Variants in MYT1L observed in about 807,000 individuals in gnomAD.
MYT1L encodes the protein myelin transcription factor 1-like protein.
In MYT1L, 12 loss-of-function variants were observed where a neutral mutation model predicts 126.7. That is an observed-to-expected ratio of 0.09 (90% CI 0.06 to 0.15). The LOEUF is 0.15. Ranked by LOEUF, MYT1L falls within the 10% of genes least tolerant of loss-of-function variation. The probability of loss-of-function intolerance (pLI) is 1.00; values close to 1 mark genes in which losing one functional copy is unlikely to be tolerated. For synonymous variants in MYT1L, 541 were observed against 604.2 expected (o/e 0.90, Z 1.53); for missense variants, 979 against 1,585.2 (o/e 0.62, Z 6.49).
intron 1 of MYT1L, among the ~76,000 whole-genome samples, chr2:2,317,073 T>C (rs570699139): frequency 6.6e-6 from 1 of 152,070 alleles, no homozygotes; most frequent in South Asian, 2.1e-4. Flanking sequence ...CATCTTGGCC[T>C]CCCAAAGTGC....
chr2:2,217,871 A>T (rs560375190), intron 2 of MYT1L, among the ~76,000 whole-genome samples: 1 of 152,310 alleles, frequency 6.6e-6, no homozygotes, highest in Admixed American at 6.5e-5. Flanking sequence ...AAACTTAATG[A>T]TAACAAGATC....
intron 23 of MYT1L, among the ~76,000 whole-genome samples, chr2:1,798,949 G>A (rs1406407716): frequency 6.6e-6 from 1 of 152,182 alleles, no homozygotes; most frequent in Non-Finnish European, 1.5e-5. Context: ...AGAACATCAG[G>A]CTCTAAGCTG....
chr2:2,188,352 G>T (rs1260897870), intron 2 of MYT1L, among the ~76,000 whole-genome samples: 1 of 152,200 alleles, frequency 6.6e-6, no homozygotes, highest in East Asian at 1.9e-4. Flanking sequence ...ATTAAGAGGT[G>T]CATCTCCTTT....
chr2:2,155,708 T>C (rs1246106507), intron 3 of MYT1L, among the ~76,000 whole-genome samples: 3 of 152,202 alleles, frequency 2.0e-5, no homozygotes, highest in Non-Finnish European at 4.4e-5. Context: ...ACTCAAGGAA[T>C]TGCTATGCCC....
chr2:2,269,725 G>A (rs72769253), intron 2 of MYT1L, among the ~76,000 whole-genome samples: 6,060 of 152,184 alleles, frequency 0.04, 164 homozygotes, highest in Non-Finnish European at 0.065. Flanking sequence ...AGGCTCTCAC[G>A]TCTTGCTTAA....
intron 1 of MYT1L, among the ~76,000 whole-genome samples, chr2:2,287,863 G>A (rs769900733): frequency 1.2e-4 from 19 of 152,178 alleles, no homozygotes; most frequent in Non-Finnish European, 2.6e-4. Context: ...TATTAAGCCC[G>A]ACCAACTCTA....
At chr2:2,135,052 T>G (rs1003580605) in intron 3 of MYT1L, among the ~76,000 whole-genome samples, 8 of 152,202 alleles carry the variant, frequency 5.3e-5, no homozygotes, top group African/African-American at 1.9e-4. Context: ...CTCTGCACCT[T>G]TCCAGCTCCC....
intron 3 of MYT1L, among the ~76,000 whole-genome samples, chr2:2,153,019 C>T (rs1028023443): frequency 6.6e-6 from 1 of 152,118 alleles, no homozygotes; most frequent in African/African-American, 2.4e-5. Context: ...ATAAGAGGTC[C>T]AGGCATCATG....
chr2:2,199,562 C>T (rs910874816), intron 2 of MYT1L, among the ~76,000 whole-genome samples: 5 of 152,286 alleles, frequency 3.3e-5, no homozygotes, highest in Non-Finnish European at 2.9e-5. Context: ...GGCAGAACCC[C>T]GTCCTCGCAT....
intron 2 of MYT1L, among the ~76,000 whole-genome samples, chr2:2,193,658 AAGAGTGAGAAT>A (rs2092687619): frequency 6.6e-6 from 1 of 152,218 alleles, no homozygotes; most frequent in Non-Finnish European, 1.5e-5. Context: ...GAAAAGACAA[AAGAGTGAGAAT>A]TGAAAATAAC....
At chr2:1,853,933 C>T (rs1380447367) in intron 18 of MYT1L, among the ~76,000 whole-genome samples, 1 of 152,086 alleles carries the variant, frequency 6.6e-6, no homozygotes, top group Non-Finnish European at 1.5e-5. Context: ...AAAGTATAAT[C>T]CATTGTTTGA....
At chr2:2,180,180 A>G (rs539912889) in intron 2 of MYT1L, among the ~76,000 whole-genome samples, 3 of 152,250 alleles carry the variant, frequency 2.0e-5, no homozygotes, top group South Asian at 4.1e-4. Flanking sequence ...AATGAATTGA[A>G]TAACAATAAT....
chr2:1,842,216 G>A (rs961912613), intron 19 of MYT1L: 1 of 152,310 alleles, frequency 6.6e-6, no homozygotes. Flanking sequence ...TTCCCAGGAG[G>A]AAGTGCTCAC....
chr2:1,864,910 T>C (rs1392690577), intron 18 of MYT1L, among the ~76,000 whole-genome samples: 2 of 152,170 alleles, frequency 1.3e-5, no homozygotes, highest in Non-Finnish European at 2.9e-5. Flanking sequence ...CTTTCCTGGC[T>C]CTCAGCTGGG....
intron 2 of MYT1L, among the ~76,000 whole-genome samples, chr2:2,244,673 G>A (rs1463401612): frequency 6.6e-6 from 1 of 152,200 alleles, no homozygotes; most frequent in South Asian, 2.1e-4. Context: ...CCAGCTCAGA[G>A]GGCAGGTGTG....
intron 5 of MYT1L, among the ~76,000 whole-genome samples, chr2:1,995,770 A>G (rs2061786671): frequency 6.6e-6 from 1 of 152,138 alleles, no homozygotes; most frequent in Non-Finnish European, 1.5e-5. Context: ...GTGCTCCTTT[A>G]TCAAGGGGAG....
At chr2:2,073,822 G>C (rs867519766) in intron 3 of MYT1L, among the ~76,000 whole-genome samples, 10 of 152,038 alleles carry the variant, frequency 6.6e-5, no homozygotes, top group African/African-American at 2.4e-4. Context: ...TAGCTTAGGT[G>C]TCCCTCCATT....
chr2:2,273,131 C>T (rs906340548), intron 2 of MYT1L, among the ~76,000 whole-genome samples: 1 of 152,140 alleles, frequency 6.6e-6, no homozygotes, highest in Non-Finnish European at 1.5e-5. Flanking sequence ...CTGCCCCCTG[C>T]CACAATTCTG....
chr2:1,854,647 A>G (rs2043679835), intron 18 of MYT1L, among the ~76,000 whole-genome samples: 1 of 152,228 alleles, frequency 6.6e-6, no homozygotes, highest in Non-Finnish European at 1.5e-5. Flanking sequence ...GAAGAAAAAA[A>G]TCATTGGAAG....
Sources: gnomAD v4.1 joint callset for allele counts (sites outside exome capture counted in the v4.1 genomes callset) on GRCh38, gnomAD v4.1.1 for gene constraint, MANE v1.5 for transcripts, NCBI Gene and HGNC (gene_info 2026-07-23, HGNC 2026-07-21) for gene names.